Variants in COL21A1 observed in about 807,000 individuals in gnomAD.
COL21A1 encodes the protein collagen alpha-1(XXI) chain.
Under a neutral mutation model 137.9 loss-of-function variants are expected in COL21A1, and 149 were observed. That is an observed-to-expected ratio of 1.08 (90% CI 0.95 to 1.24). The LOEUF is 1.24. Ranked by LOEUF, COL21A1 falls within the 50% of genes most tolerant of loss-of-function variation. The pLI is 0.00. For synonymous variants in COL21A1, 456 were observed against 391.5 expected (o/e 1.16, Z -1.95); for missense variants, 1,167 against 1,158.4 (o/e 1.01, Z -0.11).
At chr6:56,123,435 G>A (rs559135330) in intron 16 of COL21A1, among the ~76,000 whole-genome samples, 1 of 152,256 alleles carries the variant, frequency 6.6e-6, no homozygotes, top group East Asian at 1.9e-4. Flanking sequence ...CTGAATTTCT[G>A]AGCAACTTTG....
upstream of COL21A1, among the ~76,000 whole-genome samples, chr6:56,249,542 T>C (rs1782803445): frequency 6.6e-6 from 1 of 152,134 alleles, no homozygotes; most frequent in African/African-American, 2.4e-5. Context: ...TAAAAAGGAA[T>C]GAAACACTAC....
intron 5 of COL21A1, among the ~76,000 whole-genome samples, chr6:56,168,861 T>C (rs1776805688): frequency 6.6e-6 from 1 of 151,974 alleles, no homozygotes; most frequent in African/African-American, 2.4e-5. Flanking sequence ...TTATCACTGG[T>C]ATATAATAAC....
chr6:56,315,554 A>G (rs1009974013), intron 1 of COL21A1, among the ~76,000 whole-genome samples: 2 of 150,722 alleles, frequency 1.3e-5, no homozygotes, highest in African/African-American at 4.9e-5. Flanking sequence ...TGAATCTCCC[A>G]TTTCCAAACT....
chr6:56,189,445 G>T (rs1292044298), intron 1 of COL21A1, among the ~76,000 whole-genome samples: 3 of 151,994 alleles, frequency 2.0e-5, no homozygotes, highest in Non-Finnish European at 4.4e-5. Flanking sequence ...AATGAATAAA[G>T]CCTCCAAGAA....
At chr6:56,335,841 T>A (rs563928518) in intron 1 of COL21A1, among the ~76,000 whole-genome samples, 65 of 152,276 alleles carry the variant, frequency 4.3e-4, no homozygotes, top group African/African-American at 1.5e-3. Flanking sequence ...GATACCTAGT[T>A]TAATTTCTTC....
intron 1 of COL21A1, among the ~76,000 whole-genome samples, chr6:56,355,263 T>G (rs1765804787): frequency 6.6e-6 from 1 of 152,186 alleles, no homozygotes; most frequent in Non-Finnish European, 1.5e-5. Flanking sequence ...TGATCATACT[T>G]CTAAATGTAA....
intron 10 of COL21A1, among the ~76,000 whole-genome samples, chr6:56,147,044 T>A (rs1432517178): frequency 6.6e-6 from 1 of 152,122 alleles, no homozygotes; most frequent in Non-Finnish European, 1.5e-5. Context: ...TTAATTAAAC[T>A]TTGGTAAACT....
At chr6:56,334,247 T>A (rs570578302) in intron 1 of COL21A1, among the ~76,000 whole-genome samples, 17 of 152,144 alleles carry the variant, frequency 1.1e-4, no homozygotes, top group African/African-American at 3.9e-4. Context: ...CCCCCAAGAT[T>A]AGTAGCACCA....
At chr6:56,143,453 G>T (rs980752970) in intron 10 of COL21A1, among the ~76,000 whole-genome samples, 5 of 151,944 alleles carry the variant, frequency 3.3e-5, no homozygotes, top group Non-Finnish European at 5.9e-5. Flanking sequence ...ACCCTCCTCG[G>T]CCTCCCAAAG....
chr6:56,254,633 G>T (rs143140721), intron 1 of COL21A1, among the ~76,000 whole-genome samples: 1 of 152,106 alleles, frequency 6.6e-6, no homozygotes, highest in East Asian at 1.9e-4. Context: ...GTGTATGAGC[G>T]TATGTGAAAA....
chr6:56,206,263 G>A (rs1045527007), intron 1 of COL21A1, among the ~76,000 whole-genome samples: 14 of 151,282 alleles, frequency 9.3e-5, no homozygotes, highest in Non-Finnish European at 1.8e-4. Flanking sequence ...GACACACATA[G>A]GCTCAAAATA....
intron 6 of COL21A1, 32 bp from the exon 7 acceptor site, chr6:56,167,015 G>A (rs1422656321): frequency 6.6e-7 from 1 of 1,520,932 alleles, no homozygotes; most frequent in Admixed American, 1.8e-5. Context: ...AATTAAAGTT[G>A]AGGCACAAGC....
intron 23 of COL21A1, among the ~76,000 whole-genome samples, chr6:56,066,382 C>A (rs1766247342): frequency 6.6e-6 from 1 of 151,906 alleles, no homozygotes; most frequent in East Asian, 1.9e-4. Flanking sequence ...TTGAAATTTT[C>A]TGTTACGATT....
chr6:56,111,291 G>A (rs1266432743), intron 16 of COL21A1, among the ~76,000 whole-genome samples: 4 of 152,114 alleles, frequency 2.6e-5, no homozygotes, highest in East Asian at 1.9e-4. Flanking sequence ...TGACTCATAA[G>A]CTATCACAGA....
intron 1 of COL21A1, among the ~76,000 whole-genome samples, chr6:56,356,195 C>A (rs1279489068): frequency 6.6e-6 from 1 of 152,160 alleles, no homozygotes; most frequent in African/African-American, 2.4e-5. Flanking sequence ...GGATGCCAGG[C>A]AGCTCATGGA....
At chr6:56,260,859 T>TGTGC (rs1330454143) in intron 1 of COL21A1, among the ~76,000 whole-genome samples, 5 of 137,468 alleles carry the variant, frequency 3.6e-5, no homozygotes, top group Non-Finnish European at 8.4e-5. Context: ...TGTGTGTGTG[T>TGTGC]GTGTGTGTGT....
At chr6:56,120,089 A>G (rs1451321023) in intron 16 of COL21A1, among the ~76,000 whole-genome samples, 1 of 152,220 alleles carries the variant, frequency 6.6e-6, no homozygotes, top group East Asian at 1.9e-4. Flanking sequence ...AGAAAAGTAT[A>G]CAATCAACAA....
At chr6:56,332,221 T>C (rs918712391) in intron 1 of COL21A1, 1 of 152,084 alleles carries the variant, frequency 6.6e-6, no homozygotes, top group Non-Finnish European at 1.5e-5. Flanking sequence ...AATATGTAGA[T>C]TGCCTTGTGC....
intron 1 of COL21A1, among the ~76,000 whole-genome samples, chr6:56,217,286 T>C (rs1271203656): frequency 6.6e-6 from 1 of 152,070 alleles, no homozygotes. Flanking sequence ...GGGTTCCCAC[T>C]CCTGGGTCAT....
Sources: gnomAD v4.1 joint callset for allele counts (sites outside exome capture counted in the v4.1 genomes callset) on GRCh38, gnomAD v4.1.1 for gene constraint, MANE v1.5 for transcripts, NCBI Gene and HGNC (gene_info 2026-07-23, HGNC 2026-07-21) for gene names.